CRPPA: variants seen among roughly 807,000 people sequenced by gnomAD.
CRPPA encodes D-ribitol-5-phosphate cytidylyltransferase.
In CRPPA, 43 loss-of-function variants were observed where a neutral mutation model predicts 52.0. The ratio of observed to expected loss-of-function variants is 0.83; its 90% confidence interval spans 0.65 to 1.07. The LOEUF (loss-of-function observed/expected upper bound fraction) is 1.07. CRPPA is among the 50% of genes least tolerant of loss of function. The pLI is 0.00. For synonymous variants in CRPPA, 250 were observed against 203.5 expected (o/e 1.23, Z -1.94); for missense variants, 629 against 551.7 (o/e 1.14, Z -1.40).
intron 9 of CRPPA, among the ~76,000 whole-genome samples, chr7:16,194,153 C>G (rs1781675913): frequency 6.6e-6 from 1 of 152,112 alleles, no homozygotes; most frequent in Non-Finnish European, 1.5e-5. Flanking sequence ...GAAGATTCCT[C>G]TGCTAGTCCC....
intron 3 of CRPPA, among the ~76,000 whole-genome samples, chr7:16,317,407 A>C (rs1785165581): frequency 6.6e-6 from 1 of 152,222 alleles, no homozygotes; most frequent in Non-Finnish European, 1.5e-5. Context: ...TTGAGGTTTA[A>C]ATGTTACCAG....
intron 9 of CRPPA, among the ~76,000 whole-genome samples, chr7:16,153,340 G>T (rs1037300676): frequency 6.6e-6 from 1 of 151,786 alleles, no homozygotes; most frequent in Non-Finnish European, 1.5e-5. Flanking sequence ...TTTCTATTCA[G>T]CTCATGAGCT....
At chr7:16,112,799 A>G (rs1029419429) in intron 9 of CRPPA, among the ~76,000 whole-genome samples, 1 of 152,116 alleles carries the variant, frequency 6.6e-6, no homozygotes, top group Admixed American at 6.6e-5. Flanking sequence ...GAACTCCTTT[A>G]TTCATTCAAT....
chr7:16,292,405 C>T (rs1056712333), intron 5 of CRPPA, among the ~76,000 whole-genome samples: 2 of 151,856 alleles, frequency 1.3e-5, no homozygotes, highest in African/African-American at 2.4e-5. Flanking sequence ...AGAGAAGACA[C>T]GGAGGCTTTT....
chr7:16,391,744 C>T (rs968737191), intron 2 of CRPPA, among the ~76,000 whole-genome samples: 4 of 152,178 alleles, frequency 2.6e-5, no homozygotes, highest in Admixed American at 1.3e-4. Context: ...AGAATGTTCA[C>T]TCCATGACTG....
chr7:16,180,184 C>G (rs538182220), intron 9 of CRPPA, among the ~76,000 whole-genome samples: 1 of 152,168 alleles, frequency 6.6e-6, no homozygotes, highest in African/African-American at 2.4e-5. Context: ...TAGAAACAAA[C>G]TCTGTTGCCC....
At chr7:16,189,909 T>C (rs1391186715) in intron 9 of CRPPA, among the ~76,000 whole-genome samples, 1 of 152,180 alleles carries the variant, frequency 6.6e-6, no homozygotes, top group Non-Finnish European at 1.5e-5. Flanking sequence ...AAACTGAATA[T>C]GTTGATACCC....
chr7:16,373,878 G>C (rs1338858173), intron 3 of CRPPA, among the ~76,000 whole-genome samples: 1 of 152,154 alleles, frequency 6.6e-6, no homozygotes, highest in Non-Finnish European at 1.5e-5. Context: ...AGCACCATTT[G>C]AAGAGGAAGA....
At position 16,273,655 on chromosome 7, in the gene CRPPA, G is replaced by A. The variant is rs140842862; in HGVS notation, c.933+4474C>T. ...TGCAGCCTGATTCCTCCCGGACACC[G>A]AACAAGAACTCTGGTACCAAGAGGG... On this transcript the variant is annotated intron_variant, in intron 6 of 9. Coordinates refer to ENST00000407010, the MANE Select transcript of CRPPA (RefSeq NM_001101426.4). Among the ~76,000 whole-genome samples, 8 of 152,170 alleles carry A rather than the reference G, an allele frequency of 5.3e-5. No individual in the cohort carries two copies. The East Asian group carries it at 9.7e-4, about 18-fold the overall frequency.
intron 9 of CRPPA, among the ~76,000 whole-genome samples, chr7:16,195,418 C>T (rs1436272598): frequency 6.6e-6 from 1 of 152,042 alleles, no homozygotes; most frequent in Non-Finnish European, 1.5e-5. Flanking sequence ...ATTGAGGTAG[C>T]CCAGGAAACA....
rs1781376488 is a variant in CRPPA at position 16,179,862 on chromosome 7, C to G, written c.1251+36204G>C. ...AACAAACCATGATGTTCATTTATGT[C>G]AGCAGATGATTTTCCAAAGAATGAC... is the stretch of plus-strand genomic sequence containing the variant. On this transcript the variant is annotated intron_variant, in intron 9 of 9. Coordinates refer to ENST00000407010, the MANE Select transcript of CRPPA (RefSeq NM_001101426.4). 2.0e-5 allele frequency among the ~76,000 whole-genome samples: 3 copies of G among 152,070 alleles called. No individual in the cohort carries two copies. In the South Asian group the frequency reaches 6.2e-4, roughly 31 times the overall value.
At chr7:16,216,312 T>A in intron 8 of CRPPA, 115 bp from the exon 9 acceptor site, 1 of 614,932 alleles carries the variant, frequency 1.6e-6, no homozygotes, top group Non-Finnish European at 2.7e-6. Context: ...ATAATCTTTA[T>A]TAACTTTTGT....
chr7:16,374,384 A>G (rs983443286), intron 3 of CRPPA, among the ~76,000 whole-genome samples: 1 of 152,136 alleles, frequency 6.6e-6, no homozygotes, highest in Non-Finnish European at 1.5e-5. Context: ...TTGGACTTGA[A>G]TTGAACCACT....
chr7:16,142,631 T>C (rs1244802241), intron 9 of CRPPA, among the ~76,000 whole-genome samples: 1 of 152,204 alleles, frequency 6.6e-6, no homozygotes, highest in Non-Finnish European at 1.5e-5. Context: ...CACACTATTA[T>C]TTTAAATTCA....
intron 2 of CRPPA, among the ~76,000 whole-genome samples, chr7:16,399,480 T>C (rs2128316938): frequency 6.8e-6 from 1 of 148,118 alleles, no homozygotes; most frequent in South Asian, 2.2e-4. Context: ...ACAAGACGTT[T>C]GATCAACACA....
intron 5 of CRPPA, among the ~76,000 whole-genome samples, chr7:16,288,382 C>A (rs1205764134): frequency 6.6e-6 from 1 of 150,896 alleles, no homozygotes; most frequent in Non-Finnish European, 1.5e-5. Context: ...TCTATATATT[C>A]TAAAAAAAAA....
intron 5 of CRPPA, among the ~76,000 whole-genome samples, chr7:16,284,524 A>T (rs1255781007): frequency 6.6e-6 from 1 of 152,134 alleles, no homozygotes; most frequent in African/African-American, 2.4e-5. Context: ...CTTCAAATTA[A>T]TCTCTTTCTT....
At chr7:16,180,797 C>A (rs549088212) in intron 9 of CRPPA, among the ~76,000 whole-genome samples, 2 of 152,036 alleles carry the variant, frequency 1.3e-5, no homozygotes, top group African/African-American at 2.4e-5. Flanking sequence ...ATTATGTCTA[C>A]GTATGTTATC....
intron 9 of CRPPA, among the ~76,000 whole-genome samples, chr7:16,183,350 T>A (rs1781447596): frequency 6.6e-6 from 1 of 152,178 alleles, no homozygotes. Context: ...CTGTCTCTTG[T>A]TTGTTTTCCC....
Sources: gnomAD v4.1 joint callset for allele counts (sites outside exome capture counted in the v4.1 genomes callset) on GRCh38, gnomAD v4.1.1 for gene constraint, MANE v1.5 for transcripts, NCBI Gene and HGNC (gene_info 2026-07-23, HGNC 2026-07-21) for gene names.